The following CD72 variants were observed in gnomAD, a reference collection of about 807,000 sequenced individuals.
The protein encoded by CD72 is B-cell differentiation antigen CD72.
A neutral mutation model predicts 50.7 loss-of-function variants in CD72; 28 were observed. The observed-to-expected ratio is 0.55, with a 90% CI of 0.41 to 0.76. The LOEUF (loss-of-function observed/expected upper bound fraction) is 0.76, where lower values mean the gene tolerates loss of function less well. CD72 is among the 30% of genes least tolerant of loss of function. The probability of loss-of-function intolerance (pLI) is 0.00; values close to 1 mark genes in which losing one functional copy is unlikely to be tolerated. For missense variants in CD72, 403 were observed against 420.6 expected, an observed-to-expected ratio of 0.96 and a Z score of 0.37; for synonymous variants, 176 against 171.2, an observed-to-expected ratio of 1.03 and a Z score of -0.22.
intron 1 of CD72, 49 bp downstream of exon 1, chr9:35,618,173 G>A: frequency 6.2e-7 from 1 of 1,606,818 alleles, no homozygotes; most frequent in Non-Finnish European, 8.5e-7. Flanking sequence ...GGGATCTGTG[G>A]GGCGGGAAGT....
upstream of CD72, among the ~76,000 whole-genome samples, chr9:35,624,257 AAT>A (rs1823175367): frequency 7.0e-6 from 1 of 143,240 alleles, no homozygotes; most frequent in Admixed American, 7.0e-5. Context: ...TAATAATAAT[AAT>A]AATAAATTTA....
intron 5 of CD72, among the ~76,000 whole-genome samples, chr9:35,614,890 A>T (rs1823043155): frequency 6.6e-6 from 1 of 151,658 alleles, no homozygotes; most frequent in Non-Finnish European, 1.5e-5. Context: ...CATGTTAGGT[A>T]GGGAGAGAAG....
chr9:35,618,389 G>A lies in CD72; in HGVS notation c.-86C>T, dbSNP rs1463690214. ...TCTCGTCTCTGTCCGTTTACAACTA[G>A]GCTCTGTGTTCCCTCTGTGACTGCA... On this transcript the variant is annotated 5_prime_UTR_variant, in exon 1 of 9. Transcript: ENST00000259633. 2.5e-6 allele frequency: 4 copies of A among 1,588,990 alleles called. No individual in the cohort carries two copies. Among genetic ancestry groups the A allele is most frequent in the Non-Finnish European group, 3.4e-6 (4 of 1,167,778 alleles).
rs188451656 is a variant in CD72 at position 35,628,194 on chromosome 9, C to T, written n.409-10073G>A. 4.0e-4 allele frequency among the ~76,000 whole-genome samples: 61 copies of T among 152,312 alleles called. 1 individual carries two copies. The East Asian group carries it at 0.011, about 27-fold the overall frequency. On this transcript the variant is annotated intron_variant and non_coding_transcript_variant, in intron 1 of 3. Coordinates refer to the CD72 transcript ENST00000465754. ...TGTTGCCCAGGCTGGACTTGAACTC[C>T]TGGGCTCCAGCAATCCTCCTGCCTT...
At chr9:35,625,575 A>G (rs1823188611) in intron 1 of CD72, among the ~76,000 whole-genome samples, 1 of 152,268 alleles carries the variant, frequency 6.6e-6, no homozygotes, top group African/African-American at 2.4e-5. Flanking sequence ...ACACTAAACA[A>G]CAGATTTTCA....
chr9:35,645,880 C>T (rs1271488187), intron 1 of CD72, among the ~76,000 whole-genome samples: 1 of 151,838 alleles, frequency 6.6e-6, no homozygotes, highest in Non-Finnish European at 1.5e-5. Context: ...AAGAACCTGG[C>T]CAGGCTCGGT....
At chr9:35,620,210 C>A (rs939745239), upstream of CD72, among the ~76,000 whole-genome samples, 25 of 152,102 alleles carry the variant, frequency 1.6e-4, no homozygotes, top group African/African-American at 6.0e-4. Context: ...CACAGGTGAA[C>A]ATGATGTAGA....
chr9:35,628,026 G>A (rs1823211590), intron 1 of CD72, among the ~76,000 whole-genome samples: 1 of 152,052 alleles, frequency 6.6e-6, no homozygotes, highest in Admixed American at 6.6e-5. Flanking sequence ...GTAGAGACAA[G>A]GTTTCGCTAT....
chr9:35,627,863 T>A (rs927287088), intron 1 of CD72, among the ~76,000 whole-genome samples: 1 of 152,000 alleles, frequency 6.6e-6, no homozygotes, highest in Non-Finnish European at 1.5e-5. Context: ...AGAGTCAGCG[T>A]CTCACTCTGT....
intron 6 of CD72, among the ~76,000 whole-genome samples, chr9:35,612,375 A>C (rs1282878652): frequency 6.6e-6 from 1 of 152,170 alleles, no homozygotes; most frequent in Non-Finnish European, 1.5e-5. Context: ...ACCTGAGGCC[A>C]GGAGTTAGAG....
At chr9:35,634,698 T>C (rs1823274105) in intron 1 of CD72, among the ~76,000 whole-genome samples, 3 of 152,140 alleles carry the variant, frequency 2.0e-5, no homozygotes, top group Admixed American at 6.5e-5. Context: ...CTTTCTCCCA[T>C]TTTTCCTCCC....
intron 4 of CD72, 90 bp downstream of exon 4, chr9:35,616,510 A>G: frequency 1.8e-6 from 2 of 1,123,832 alleles, no homozygotes; most frequent in Non-Finnish European, 1.4e-6. Context: ...GGTAGTGACT[A>G]TGATCCCTGC....
intron 1 of CD72, among the ~76,000 whole-genome samples, chr9:35,625,912 T>A (rs1012670555): frequency 6.6e-6 from 1 of 152,126 alleles, no homozygotes; most frequent in Non-Finnish European, 1.5e-5. Flanking sequence ...GAAAGAAAAT[T>A]CCTTTCAAGA....
intron 1 of CD72, among the ~76,000 whole-genome samples, chr9:35,632,076 T>C (rs1823250960): frequency 6.6e-6 from 1 of 152,172 alleles, no homozygotes; most frequent in Non-Finnish European, 1.5e-5. Flanking sequence ...TTCTCCTGGG[T>C]CAATTTTGGT....
At chr9:35,637,562 C>T (rs1823302992) in intron 1 of CD72, among the ~76,000 whole-genome samples, 2 of 152,220 alleles carry the variant, frequency 1.3e-5, no homozygotes, top group African/African-American at 4.8e-5. Context: ...CCTTCAATCT[C>T]CCTGTCCTTC....
At position 35,618,325 on chromosome 9, in the gene CD72, C is replaced by T. The variant is rs370359408; in HGVS notation, c.-22G>A. 6.2e-7 allele frequency: 1 copy of T among 1,613,902 alleles called. No individual in the cohort carries two copies. The highest frequency in any genetic ancestry group is 1.3e-5 in the African/African-American group (1 of 74,926). ...CCATGGTCCTGAGCAGCTCTGCCCC[C>T]ACTCGTCTTCCCTGTCATCCACTGT... On this transcript the variant is annotated 5_prime_UTR_variant, in exon 1 of 9. Transcript: ENST00000259633.
chr9:35,616,173 C>T lies in CD72; in HGVS notation c.458G>A (p.Ser153Asn), dbSNP rs1413069588. Residue 153 changes from serine to asparagine, a missense_variant, in exon 5 of 9, where the codon AGT (serine) becomes AAT (asparagine). Ser to Asn is a conservative substitution (Grantham distance 46, BLOSUM62 1). Coordinates refer to ENST00000259633, the MANE Select transcript of CD72 (RefSeq NM_001782.3). ...CCTGGACCCCTGCAGATCCTCTGCA[C>T]TCTGTCCCAGCTGCGTTATCTTGAG... The part of the protein sequence containing the change: ...LRLKITQLGQ[S>N]AEDLQGSRRE... 2 of 1,614,014 alleles carry T rather than the reference C, an allele frequency of 1.2e-6. No individual in the cohort carries two copies. Among genetic ancestry groups the T allele is most frequent in the South Asian group, 2.2e-5 (2 of 91,080 alleles).
chr9:35,620,550 G>A (rs1391380158), upstream of CD72, among the ~76,000 whole-genome samples: 1 of 152,146 alleles, frequency 6.6e-6, no homozygotes, highest in Non-Finnish European at 1.5e-5. Context: ...GGGATCTCCT[G>A]GCCGGCATGG....
chr9:35,636,128 T>C (rs1823287820), intron 1 of CD72, among the ~76,000 whole-genome samples: 1 of 152,152 alleles, frequency 6.6e-6, no homozygotes, highest in African/African-American at 2.4e-5. Context: ...AATTCCTTAT[T>C]GTGAGTAGCT....
Sources: allele counts gnomAD v4.1 joint callset (sites outside exome capture counted in the v4.1 genomes callset), GRCh38; gene constraint gnomAD v4.1.1; transcripts MANE v1.5; gene names NCBI Gene and HGNC (gene_info 2026-07-23, HGNC 2026-07-21).